The following CCDC68 variants were observed in gnomAD, a reference collection of about 807,000 sequenced individuals.
CCDC68 encodes the protein coiled-coil domain containing 68, also known as coiled-coil domain-containing protein 68.
CCDC68 carries 45 observed loss-of-function variants against 47.1 expected under a neutral mutation model. The ratio of observed to expected loss-of-function variants is 0.96; its 90% CI spans 0.75 to 1.23. CCDC68 has a LOEUF of 1.23. Among genes scored for constraint, CCDC68 ranks in the 50% most tolerant of loss-of-function variants. The pLI, the probability that CCDC68 is intolerant of heterozygous loss-of-function variation, is 0.00. For missense variants in CCDC68, 353 were observed against 373.6 expected, an observed-to-expected ratio of 0.94 and a Z score of 0.45; for synonymous variants, 131 against 129.5, an observed-to-expected ratio of 1.01 and a Z score of -0.08.
intron 1 of CCDC68, among the ~76,000 whole-genome samples, chr18:54,950,897 C>CT (rs869026740): frequency 0.34 from 20,973 of 61,982 alleles, 6,634 homozygotes; most frequent in South Asian, 0.42. Context: ...ATTCAGATGT[C>CT]TTTTTTTTTT....
intron 11 of CCDC68, among the ~76,000 whole-genome samples, chr18:54,906,370 ATTAG>A (rs2145346087): frequency 6.6e-6 from 1 of 152,324 alleles, no homozygotes; most frequent in South Asian, 2.1e-4. Flanking sequence ...TTAACTATTA[ATTAG>A]TTAAATACTA....
chr18:54,958,322 C>T (rs1261841707), intron 1 of CCDC68, among the ~76,000 whole-genome samples: 1 of 152,162 alleles, frequency 6.6e-6, no homozygotes, highest in Non-Finnish European at 1.5e-5. Context: ...AGCATAACAA[C>T]AGCACCAATT....
chr18:54,909,384 T>C (rs115395083), intron 10 of CCDC68, among the ~76,000 whole-genome samples: 392 of 1,996 alleles, frequency 0.2, 4 homozygotes, highest in African/African-American at 0.31. Flanking sequence ...TTCTTTCTTT[T>C]TTTTTTTTTT....
chr18:54,944,761 T>C (rs921766388), intron 2 of CCDC68, among the ~76,000 whole-genome samples: 3 of 152,230 alleles, frequency 2.0e-5, no homozygotes, highest in African/African-American at 7.2e-5. Context: ...TTAGAAAATC[T>C]ATATTTTGCA....
chr18:54,942,983 T>C (rs1008873270), intron 2 of CCDC68, 180 bp from the exon 3 acceptor site: 182 of 421,736 alleles, frequency 4.3e-4, no homozygotes, highest in African/African-American at 3.7e-3. Flanking sequence ...AGCCATATCA[T>C]CTGAAGGAAT....
At chr18:54,917,838 CAG>C in intron 10 of CCDC68, 73 bp downstream of exon 10, 1 of 625,076 alleles carries the variant, frequency 1.6e-6, no homozygotes, top group Non-Finnish European at 2.6e-6. Flanking sequence ...CTCACGTGCA[CAG>C]ACACACACAC....
intron 1 of CCDC68, among the ~76,000 whole-genome samples, chr18:54,953,103 A>G (rs781207079): frequency 3.9e-5 from 6 of 152,158 alleles, no homozygotes; most frequent in Admixed American, 6.5e-5. Context: ...AAATTCAAGG[A>G]GCTACATATT....
At chr18:54,938,270 T>C (rs960462570) in intron 4 of CCDC68, among the ~76,000 whole-genome samples, 173 bp from the exon 5 acceptor site, 1 of 152,264 alleles carries the variant, frequency 6.6e-6, no homozygotes, top group African/African-American at 2.4e-5. Flanking sequence ...AGTTGACTTC[T>C]AATTTGCTGA....
chr18:54,948,838 G>A (rs1356049760), intron 1 of CCDC68, among the ~76,000 whole-genome samples: 3 of 152,236 alleles, frequency 2.0e-5, no homozygotes, highest in Admixed American at 2.0e-4. Context: ...TAGATGAGCA[G>A]TGAGGGAAGC....
At chr18:54,944,084 T>C (rs563893290) in intron 2 of CCDC68, among the ~76,000 whole-genome samples, 1 of 152,168 alleles carries the variant, frequency 6.6e-6, no homozygotes, top group East Asian at 1.9e-4. Context: ...ACCCAGGAGG[T>C]ACAAAATAAT....
chr18:54,942,766 T>A lies in CCDC68; in HGVS notation c.26A>T (p.Glu9Val), dbSNP rs750862914. 4 of 1,611,720 alleles carry A rather than the reference T, an allele frequency of 2.5e-6. No individual in the cohort carries two copies. Among genetic ancestry groups the A allele is most frequent in the Non-Finnish European group, 3.4e-6 (4 of 1,178,366 alleles). The change falls in exon 3 of 12, where the codon GAA becomes GTA. Residue 9 changes from glutamate to valine, a missense_variant. Glu to Val is a moderately radical substitution (Grantham distance 121). Transcript: ENST00000591504. Reference sequence around the variant, plus strand: ...TTCCATCTTATCCCTTGGGGGAATTTCTGTGGTCACTGTCACTGTTGTCAT... The same window carrying A: ...TTCCATCTTATCCCTTGGGGGAATTACTGTGGTCACTGTCACTGTTGTCAT... MTTVTVTT[E>V]IPPRDKMEDN...
intron 2 of CCDC68, among the ~76,000 whole-genome samples, chr18:54,943,786 T>G (rs2044475717): frequency 6.6e-6 from 1 of 152,182 alleles, no homozygotes; most frequent in African/African-American, 2.4e-5. Flanking sequence ...AGCCAACAGG[T>G]AATTGTGTTA....
At position 54,936,963 on chromosome 18, in the gene CCDC68, A is replaced by T. The variant is rs1038422405; in HGVS notation, c.346-5T>A. The T allele has an allele frequency of 5.0e-6, 8 of 1,613,804 alleles. No individual in the cohort carries two copies. The highest frequency in any genetic ancestry group is 6.8e-6 in the Non-Finnish European group (8 of 1,179,892). On this transcript the variant is annotated splice_polypyrimidine_tract_variant and splice_region_variant and intron_variant, in intron 5 of 11. Coordinates refer to ENST00000591504, the MANE Select transcript of CCDC68 (RefSeq NM_025214.3). ...TGCTTCTCTGGAGGCTTGCAGCTAGAAAAAAGGTCACTATGCATGTTCTGA... is the reference window on the plus strand; with the variant it reads ...TGCTTCTCTGGAGGCTTGCAGCTAGTAAAAAGGTCACTATGCATGTTCTGA...
chr18:54,921,831 C>G (rs1460150592), intron 8 of CCDC68, among the ~76,000 whole-genome samples: 1 of 152,182 alleles, frequency 6.6e-6, no homozygotes, highest in South Asian at 2.1e-4. Flanking sequence ...AGATCACTAA[C>G]TAGTTCAGCT....
At chr18:54,949,253 CCCAAA>C (rs1163466129) in intron 1 of CCDC68, among the ~76,000 whole-genome samples, 12 of 152,338 alleles carry the variant, frequency 7.9e-5, no homozygotes, top group Non-Finnish European at 1.6e-4. Context: ...ACCTTGGCTT[CCCAAA>C]GTGTTGGGAT....
At chr18:54,908,238 G>A (rs1298456351) in intron 10 of CCDC68, among the ~76,000 whole-genome samples, 3 of 152,058 alleles carry the variant, frequency 2.0e-5, no homozygotes, top group Non-Finnish European at 4.4e-5. Context: ...TTTCTTTTGC[G>A]ATCTCTTGAT....
intron 8 of CCDC68, among the ~76,000 whole-genome samples, chr18:54,922,463 G>C (rs1010304861): frequency 1.3e-5 from 2 of 152,158 alleles, no homozygotes; most frequent in Non-Finnish European, 2.9e-5. Flanking sequence ...CAGAACCCTT[G>C]GAGGGTAGAA....
At chr18:54,919,722 T>C (rs1451707300) in intron 8 of CCDC68, among the ~76,000 whole-genome samples, 1 of 152,186 alleles carries the variant, frequency 6.6e-6, no homozygotes, top group Admixed American at 6.5e-5. Flanking sequence ...CTGGCACCCA[T>C]CAAACTTCAC....
At chr18:54,948,733 A>C (rs1043235276) in intron 1 of CCDC68, among the ~76,000 whole-genome samples, 2 of 151,796 alleles carry the variant, frequency 1.3e-5, no homozygotes, top group Non-Finnish European at 2.9e-5. Context: ...GACATTAAAC[A>C]AACGAGTAAA....
Sources: gnomAD v4.1 joint callset for allele counts (sites outside exome capture counted in the v4.1 genomes callset) on GRCh38, gnomAD v4.1.1 for gene constraint, MANE v1.5 for transcripts, NCBI Gene and HGNC (gene_info 2026-07-23, HGNC 2026-07-21) for gene names.